The following FRMD3 variants were observed in gnomAD, a reference collection of about 807,000 sequenced individuals.
FRMD3 encodes FERM domain-containing protein 3.
Under a neutral mutation model 70.2 loss-of-function variants are expected in FRMD3, and 33 were observed. The observed-to-expected ratio is 0.47, with a 90% confidence interval of 0.36 to 0.63. The LOEUF is 0.63. FRMD3 is among the 20% of genes least tolerant of loss of function. The pLI, the probability that FRMD3 is intolerant of heterozygous loss-of-function variation, is 0.00. For synonymous variants in FRMD3, 279 were observed against 255.9 expected (o/e 1.09, Z -0.86); for missense variants, 632 against 711.4 (o/e 0.89, Z 1.27).
intron 13 of FRMD3, among the ~76,000 whole-genome samples, chr9:83,252,206 G>A (rs1247404611): frequency 1.3e-5 from 2 of 151,626 alleles, no homozygotes; most frequent in Non-Finnish European, 2.9e-5. Flanking sequence ...AAGAGATTGG[G>A]GGCCAATATT....
chr9:83,292,574 T>G (rs1456463677), intron 12 of FRMD3, among the ~76,000 whole-genome samples: 1 of 152,260 alleles, frequency 6.6e-6, no homozygotes, highest in Non-Finnish European at 1.5e-5. Flanking sequence ...ATCCACTATT[T>G]TAAAATTCTA....
chr9:83,541,878 C>T (rs1830003661), upstream of FRMD3, among the ~76,000 whole-genome samples: 1 of 152,170 alleles, frequency 6.6e-6, no homozygotes, highest in African/African-American at 2.4e-5. Context: ...TAAAATCCCC[C>T]TACAAATATT....
chr9:83,453,348 C>A (rs1249141998), intron 1 of FRMD3, among the ~76,000 whole-genome samples: 1 of 152,078 alleles, frequency 6.6e-6, no homozygotes, highest in Non-Finnish European at 1.5e-5. Context: ...AGCATACTGA[C>A]AAACAGATGC....
intron 13 of FRMD3, among the ~76,000 whole-genome samples, chr9:83,256,606 A>G (rs1832719812): frequency 6.6e-6 from 1 of 152,178 alleles, no homozygotes; most frequent in Admixed American, 6.5e-5. Context: ...AATTTTTGCA[A>G]TCTATCCATC....
intron 1 of FRMD3, among the ~76,000 whole-genome samples, chr9:83,464,063 T>C (rs544632452): frequency 1.3e-5 from 2 of 152,306 alleles, no homozygotes; most frequent in Admixed American, 1.3e-4. Flanking sequence ...ACACACCCCC[T>C]GCATGAATGA....
chr9:83,576,595 C>A, the FRMD3 span, among the ~76,000 whole-genome samples: 2 of 152,112 alleles, frequency 1.3e-5, no homozygotes, highest in Admixed American at 1.3e-4. Flanking sequence ...CCTCCTCCAA[C>A]CCTTTATCCT....
chr9:83,509,794 C>A (rs1345317114), intron 1 of FRMD3, among the ~76,000 whole-genome samples: 1 of 151,868 alleles, frequency 6.6e-6, no homozygotes, highest in Non-Finnish European at 1.5e-5. Context: ...CGCGCACACA[C>A]ACACACACAC....
intron 2 of FRMD3, among the ~76,000 whole-genome samples, chr9:83,377,869 T>TA (rs1476801909): frequency 6.6e-6 from 1 of 152,130 alleles, no homozygotes; most frequent in Non-Finnish European, 1.5e-5. Flanking sequence ...ATCTACTTTT[T>TA]AAAAAAAGAC....
At chr9:83,373,427 A>G (rs1017537032) in intron 2 of FRMD3, among the ~76,000 whole-genome samples, 1 of 152,218 alleles carries the variant, frequency 6.6e-6, no homozygotes, top group African/African-American at 2.4e-5. Flanking sequence ...CATTAGCCCT[A>G]TCATATGCAG....
chr9:83,468,457 T>C (rs1039401652), intron 1 of FRMD3, among the ~76,000 whole-genome samples: 1 of 152,214 alleles, frequency 6.6e-6, no homozygotes, highest in Non-Finnish European at 1.5e-5. Flanking sequence ...TGGAAGCACA[T>C]GAGAGCAGTA....
chr9:83,566,123 G>A, the FRMD3 span, among the ~76,000 whole-genome samples: 1,695 of 152,278 alleles, frequency 0.011, 32 homozygotes, highest in African/African-American at 0.039. Flanking sequence ...AAGTTTAATT[G>A]GTCTTATAGT....
intron 13 of FRMD3, among the ~76,000 whole-genome samples, chr9:83,278,459 C>T (rs1413976726): frequency 2.0e-5 from 3 of 152,130 alleles, no homozygotes; most frequent in Admixed American, 6.5e-5. Flanking sequence ...TGAGGGGCTG[C>T]ACATGGCTTG....
chr9:83,354,892 A>G (rs1824286195), intron 3 of FRMD3, among the ~76,000 whole-genome samples: 1 of 152,196 alleles, frequency 6.6e-6, no homozygotes, highest in Admixed American at 6.5e-5. Context: ...CCTTGAAAAA[A>G]AATAAAACAC....
At chr9:83,316,127 T>C (rs886188153) in intron 6 of FRMD3, among the ~76,000 whole-genome samples, 4 of 151,820 alleles carry the variant, frequency 2.6e-5, no homozygotes, top group South Asian at 2.1e-4. Context: ...TTGACATATA[T>C]GCCACCTTAT....
In FRMD3 at chr9:83,537,807, C is replaced by A. The variant is rs575220585; in HGVS notation, c.147+278G>T. ...TCCCTCCGGAGGCAGCTGCCCCGCG[C>A]CCCTAGCCCGGGCGCAGTGAGACGC... On this transcript the variant is annotated intron_variant, in intron 1 of 13. Coordinates refer to ENST00000304195, the MANE Select transcript of FRMD3 (RefSeq NM_174938.6). This position sits in a 1 kb window ranked among gnomAD's most constrained non-coding sequence, Gnocchi z 4.1. Among the ~76,000 whole-genome samples the A allele has an allele frequency of 8.7e-4, 133 of 152,290 alleles. No homozygotes were observed. The highest frequency in any genetic ancestry group is 1.5e-3 in the Non-Finnish European group (99 of 68,008).
intron 1 of FRMD3, among the ~76,000 whole-genome samples, chr9:83,398,532 G>T (rs188265390): frequency 9.4e-4 from 143 of 152,234 alleles, no homozygotes; most frequent in African/African-American, 2.7e-3. Context: ...CAAGATTTGG[G>T]AAAAATGAAA....
chr9:83,457,354 G>A (rs369653165), intron 1 of FRMD3, among the ~76,000 whole-genome samples: 34 of 152,218 alleles, frequency 2.2e-4, no homozygotes, highest in East Asian at 1.5e-3. Flanking sequence ...ATGAAGAAAG[G>A]AAGATGAAGG....
intron 1 of FRMD3, among the ~76,000 whole-genome samples, chr9:83,391,757 A>G (rs1440997393): frequency 6.6e-6 from 1 of 152,236 alleles, no homozygotes; most frequent in Non-Finnish European, 1.5e-5. Flanking sequence ...TGGCTGAAAC[A>G]GGGGCCAATG....
intron 1 of FRMD3, among the ~76,000 whole-genome samples, chr9:83,465,263 G>A (rs116083862): frequency 0.059 from 9,013 of 152,104 alleles, 327 homozygotes; most frequent in East Asian, 0.18. Context: ...CACGACAGCC[G>A]TGTCCTGACT....
Sources: gnomAD v4.1 joint callset for allele counts (sites outside exome capture counted in the v4.1 genomes callset) on GRCh38, gnomAD v4.1.1 for gene constraint, Gnocchi (gnomAD v3.1) non-coding constraint, MANE v1.5 for transcripts, NCBI Gene and HGNC (gene_info 2026-07-23, HGNC 2026-07-21) for gene names.